The following AKNA variants were observed in gnomAD, a reference collection of about 807,000 sequenced individuals.
AKNA encodes the protein AT-hook transcription factor, also known as microtubule organization protein AKNA.
A neutral mutation model predicts 138.8 loss-of-function variants in AKNA; 67 were observed. That is an observed-to-expected ratio of 0.48 (90% CI 0.40 to 0.59). The LOEUF (loss-of-function observed/expected upper bound fraction) is 0.59. Ranked by LOEUF, AKNA falls within the 20% of genes least tolerant of loss-of-function variation. AKNA has a pLI of 0.00. For missense variants in AKNA, 1,813 were observed against 1,880.4 expected (o/e 0.96, Z 0.66); for synonymous variants, 737 against 754.4 (o/e 0.98, Z 0.38).
At chr9:114,346,572 A>G (rs746035528) in intron 17 of AKNA, 97 bp downstream of exon 17, 1 of 971,762 alleles carries the variant, frequency 1.0e-6, no homozygotes, top group Non-Finnish European at 1.5e-6. Context: ...ACCCTTCTCC[A>G]AGTTTCCTTG....
At chr9:114,352,080 G>C (rs1388285979) in intron 14 of AKNA, among the ~76,000 whole-genome samples, 1 of 152,144 alleles carries the variant, frequency 6.6e-6, no homozygotes, top group Non-Finnish European at 1.5e-5. Flanking sequence ...GGACAGGCTG[G>C]GGGCAGGAGG....
chr9:114,338,098 T>C (rs1455247656), intron 21 of AKNA, among the ~76,000 whole-genome samples: 1 of 152,156 alleles, frequency 6.6e-6, no homozygotes, highest in Non-Finnish European at 1.5e-5. Flanking sequence ...TAAAGAAGCA[T>C]GGACCTAAAT....
intron 16 of AKNA, 115 bp from the exon 17 acceptor site, chr9:114,346,899 G>A (rs1830727860): frequency 1.2e-6 from 1 of 851,820 alleles, no homozygotes; most frequent in African/African-American, 1.8e-5. Flanking sequence ...AAGGAAGAGA[G>A]TATAGAAGTC....
At chr9:114,392,939 G>A (rs1359295667), upstream of AKNA, among the ~76,000 whole-genome samples, 1 of 152,132 alleles carries the variant, frequency 6.6e-6, no homozygotes, top group Non-Finnish European at 1.5e-5. Context: ...AGGAGGGTGT[G>A]GCCATATTGA....
chr9:114,330,652 G>A (rs1161366674), downstream of AKNA: 7 of 1,599,808 alleles, frequency 4.4e-6, no homozygotes, highest in Non-Finnish European at 6.0e-6. Context: ...CCTTCTTCCT[G>A]GCCTTGGCCT....
At chr9:114,389,288 A>G (rs1322733035), upstream of AKNA, among the ~76,000 whole-genome samples, 1 of 152,138 alleles carries the variant, frequency 6.6e-6, no homozygotes, top group African/African-American at 2.4e-5. Context: ...GGCTCCCAAC[A>G]CTGGCCCCAC....
At chr9:114,380,153 TA>T (rs57149512) in intron 2 of AKNA, among the ~76,000 whole-genome samples, 168 of 141,924 alleles carry the variant, frequency 1.2e-3, no homozygotes, top group Middle Eastern at 3.7e-3. Flanking sequence ...TCTGCCTCAC[TA>T]AAAAAAAAAA....
At chr9:114,385,493 G>A (rs1323675243) in intron 1 of AKNA, among the ~76,000 whole-genome samples, 1 of 152,230 alleles carries the variant, frequency 6.6e-6, no homozygotes, top group Non-Finnish European at 1.5e-5. Context: ...GGCCGGGGGA[G>A]GTGTGCGGTT....
At position 114,368,439 on chromosome 9, in the gene AKNA, C is replaced by G; in HGVS notation, c.1573G>C (p.Gly525Arg). The G allele has an allele frequency of 7.6e-7, 1 of 1,318,700 alleles. No homozygotes were observed. Among genetic ancestry groups the G allele is most frequent in the African/African-American group, 1.5e-5 (1 of 66,528 alleles). The allele number at this position is 1,318,700 out of a possible 1,614,324, so 81.7% of individuals were successfully genotyped here. A position where few individuals can be genotyped will look rare whatever the true frequency, so the allele number is the denominator to read the frequency against. The change falls in exon 5 of 22, where the codon GGG becomes CGG. Residue 525 changes from glycine (G) to arginine (R), a missense_variant and splice_region_variant. Gly to Arg is a moderately radical substitution (Grantham distance 125). Coordinates refer to ENST00000374088, the MANE Select transcript of AKNA (RefSeq NM_001317950.2). The part of the protein sequence containing the change: ...AEDPQASAAS[G>R]WPSARGDLSP... ...GCTGCAGCTCTTCTCCCGGACTCAC[C>G]TGAGGCCGCAGAGGCCTGGGGGTCC...
At chr9:114,371,879 G>C (rs901518954) in intron 4 of AKNA, among the ~76,000 whole-genome samples, 2 of 152,158 alleles carry the variant, frequency 1.3e-5, no homozygotes, top group Non-Finnish European at 2.9e-5. Context: ...TGGGTTCTGA[G>C]CAGAAGACCA....
intron 21 of AKNA, among the ~76,000 whole-genome samples, chr9:114,340,776 G>A (rs962028523): frequency 1.3e-5 from 2 of 152,126 alleles, no homozygotes; most frequent in African/African-American, 2.4e-5. Context: ...CTGATGTTAC[G>A]TCCAGAATCT....
At chr9:114,371,404 C>T (rs1038763784) in intron 4 of AKNA, among the ~76,000 whole-genome samples, 1 of 152,278 alleles carries the variant, frequency 6.6e-6, no homozygotes, top group South Asian at 2.1e-4. Flanking sequence ...CCATAAACAT[C>T]ACCTATGACC....
At chr9:114,366,256 G>T (rs1417329798) in intron 6 of AKNA, among the ~76,000 whole-genome samples, 1 of 150,364 alleles carries the variant, frequency 6.7e-6, no homozygotes, top group Non-Finnish European at 1.5e-5. Context: ...CTCCAGCCTG[G>T]GCAACAGAGT....
rs775569622 is a variant in AKNA at position 114,350,940 on chromosome 9, G to A, written c.3140C>T (p.Ala1047Val). 1.4e-5 allele frequency: 23 copies of A among 1,612,014 alleles called. No homozygotes were observed. Among genetic ancestry groups the A allele is most frequent in the Non-Finnish European group, 1.9e-5 (22 of 1,179,170 alleles). ...LPNKTISPPP[A>V]PAPAAAPLPC... Reference sequence around the variant, plus strand: ...TAGAGGCGCAGCGGCAGGGGCGGGGGCTGGGGGTGGGCTGATTGTCTTGTT... The same window carrying A: ...TAGAGGCGCAGCGGCAGGGGCGGGGACTGGGGGTGGGCTGATTGTCTTGTT... Residue 1047 changes from alanine (A) to valine (V), a missense_variant, in exon 15 of 22, where the codon GCC (alanine) becomes GTC (valine). Coordinates refer to ENST00000374088, the MANE Select transcript of AKNA (RefSeq NM_001317950.2).
At chr9:114,337,371 G>A (rs549479330) in intron 21 of AKNA, 65 bp from the exon 22 acceptor site, 22 of 1,360,652 alleles carry the variant, frequency 1.6e-5, no homozygotes, top group African/African-American at 1.5e-4. Flanking sequence ...GAGGAGCACC[G>A]TGTGTGGGGT....
rs1298366780 is a variant in AKNA at position 114,355,978 on chromosome 9, AG to A, written c.3004del (p.Leu1002SerfsTer170). 2 of 1,614,048 alleles carry A rather than the reference AG, an allele frequency of 1.2e-6. No individual in the cohort carries two copies. Among genetic ancestry groups the A allele is most frequent in the Non-Finnish European group, 1.7e-6 (2 of 1,180,036 alleles). On this transcript the variant is annotated frameshift_variant, in exon 14 of 22. Coordinates refer to ENST00000374088, the MANE Select transcript of AKNA (RefSeq NM_001317950.2). LOFTEE classifies it high-confidence loss of function. ...QRYLSSPSGP[L>X]RQRAPNFSLE... ...GCTGAAGTTGGGTGCCCTCTGCCGG[AG>A]AGGCCCACTTGGGCTGGAGAGGTAC...
chr9:114,377,630 C>T (rs1476844283), intron 2 of AKNA, 98 bp from the exon 3 acceptor site: 1 of 1,239,160 alleles, frequency 8.1e-7, no homozygotes, highest in Non-Finnish European at 1.1e-6. Flanking sequence ...TCCATTTCCT[C>T]ATCACGTGGG....
chr9:114,361,175 C>A lies in AKNA; in HGVS notation c.2124+529G>T, dbSNP rs147586427. On this transcript the variant is annotated intron_variant, in intron 9 of 21. Transcript: ENST00000374088. ...CCCACAAGCCCCTACATCATGGGGC[C>A]CCTGCCTGCCTCTCCAGCCACATCT... 3.6e-3 allele frequency among the ~76,000 whole-genome samples: 547 copies of A among 152,286 alleles called. 4 individuals are homozygous for A. Among genetic ancestry groups the A allele is most frequent in the African/African-American group, 0.013 (524 of 41,562 alleles).
At chr9:114,351,236 G>A (rs1013192759) in intron 14 of AKNA, among the ~76,000 whole-genome samples, 9 of 152,070 alleles carry the variant, frequency 5.9e-5, no homozygotes, top group South Asian at 2.1e-4. Flanking sequence ...GGCCTGCCCC[G>A]CTGTTTCTAA....
Sources: allele counts gnomAD v4.1 joint callset (sites outside exome capture counted in the v4.1 genomes callset), GRCh38; gene constraint gnomAD v4.1.1; transcripts MANE v1.5; gene names NCBI Gene and HGNC (gene_info 2026-07-23, HGNC 2026-07-21).